FKBP15: variants seen among roughly 807,000 people sequenced by gnomAD.
FKBP15 encodes the protein FKBP prolyl isomerase family member 15, also known as FK506-binding protein 15.
FKBP15 carries 106 observed loss-of-function variants against 158.1 expected under a neutral mutation model. The observed-to-expected ratio is 0.67, with a 90% CI of 0.57 to 0.79. The LOEUF (loss-of-function observed/expected upper bound fraction) is 0.79, where lower values mean the gene tolerates loss of function less well. Ranked by LOEUF, FKBP15 falls within the 30% of genes least tolerant of loss-of-function variation. The pLI, the probability that FKBP15 is intolerant of heterozygous loss-of-function variation, is 0.00. For synonymous variants in FKBP15, 547 were observed against 548.6 expected, an observed-to-expected ratio of 1.00 and a Z score of 0.04; for missense variants, 1,287 against 1,479.1, an observed-to-expected ratio of 0.87 and a Z score of 2.13.
chr9:113,187,191 C>G (rs182766482), intron 14 of FKBP15: 1 of 153,634 alleles, frequency 6.5e-6, no homozygotes, highest in Admixed American at 6.5e-5. Context: ...CATAGCCTAT[C>G]CACCATCATT....
In FKBP15 at chr9:113,173,595, AC is replaced by A; in HGVS notation, c.2389del (p.Val797TyrfsTer50). ...DQAAAEQLSL[V>X]QAELQTQWEA... The stretch of plus-strand genomic sequence containing the variant: ...CCACTGGGTCTGTAGCTCAGCCTGT[AC>A]TAAAGACAGCTGCCAAGAGAAAGTA... On this transcript the variant is annotated frameshift_variant, in exon 23 of 28. Transcript: ENST00000238256. LOFTEE classifies it high-confidence loss of function. 1 of 1,613,754 alleles carries A rather than the reference AC, an allele frequency of 6.2e-7. No individual in the cohort carries two copies. The highest frequency in any genetic ancestry group is 8.5e-7 in the Non-Finnish European group (1 of 1,179,786).
intron 1 of FKBP15, among the ~76,000 whole-genome samples, chr9:113,217,728 C>T (rs1831168400): frequency 6.6e-6 from 1 of 152,048 alleles, no homozygotes; most frequent in Admixed American, 6.6e-5. Context: ...GTAATCCCAG[C>T]TACTTGGGAG....
intron 9 of FKBP15, among the ~76,000 whole-genome samples, chr9:113,196,228 A>G (rs1830679030): frequency 6.6e-6 from 1 of 152,208 alleles, no homozygotes; most frequent in Non-Finnish European, 1.5e-5. Flanking sequence ...AGGTAGTCGT[A>G]GTAAAACGTA....
chr9:113,166,439 T>C (rs187375601), intron 27 of FKBP15, among the ~76,000 whole-genome samples: 36 of 152,348 alleles, frequency 2.4e-4, no homozygotes, highest in African/African-American at 8.4e-4. Flanking sequence ...CAGATTTTCC[T>C]CTCATGCAGT....
intron 2 of FKBP15, among the ~76,000 whole-genome samples, chr9:113,208,085 T>C (rs1304738618): frequency 6.6e-6 from 1 of 152,232 alleles, no homozygotes; most frequent in Non-Finnish European, 1.5e-5. Context: ...GGCTCGTGCC[T>C]GTAATCCCAG....
At chr9:113,171,798 C>CTTT in intron 23 of FKBP15, 92 bp from the exon 24 acceptor site, 140 of 833,962 alleles carry the variant, frequency 1.7e-4, no homozygotes, top group East Asian at 8.1e-4. Flanking sequence ...CATCAAGTCT[C>CTTT]TTTTTTTTTT....
chr9:113,185,586 G>A (rs184491174), intron 15 of FKBP15, among the ~76,000 whole-genome samples: 1 of 152,148 alleles, frequency 6.6e-6, no homozygotes, highest in African/African-American at 2.4e-5. Context: ...AACAAGGCAG[G>A]ATTCCATCAT....
Position 113,184,636 on chromosome 9 carries a change from C to T in FKBP15, c.1608+59G>A. 1 of 1,355,608 alleles carries T rather than the reference C, an allele frequency of 7.4e-7. No homozygotes were observed. Among genetic ancestry groups the T allele is most frequent in the Non-Finnish European group, 1.0e-6 (1 of 965,428 alleles). 84.0% of individuals were successfully genotyped at this position (1,355,608 alleles called of 1,614,324 possible). On this transcript the variant is annotated intron_variant, in intron 16 of 27. Coordinates refer to ENST00000238256, the MANE Select transcript of FKBP15 (RefSeq NM_015258.2). The surrounding 1 kb of genome is among the most constrained non-coding windows in gnomAD (Gnocchi z 4.5). ...ATCAAAGAAGAGTTTACCTACAGTTCTGGCTGCTCCCTGTTTACATCCCCA... is the reference window on the plus strand; with the variant it reads ...ATCAAAGAAGAGTTTACCTACAGTTTTGGCTGCTCCCTGTTTACATCCCCA...
intron 27 of FKBP15, 131 bp from the exon 28 acceptor site, chr9:113,166,286 A>AG: frequency 1.4e-6 from 1 of 718,176 alleles, no homozygotes; most frequent in Non-Finnish European, 2.3e-6. Flanking sequence ...GACAGGGCCA[A>AG]CTCTGAGGCC....
chr9:113,215,552 A>G (rs1831103402), intron 1 of FKBP15, among the ~76,000 whole-genome samples: 1 of 150,274 alleles, frequency 6.7e-6, no homozygotes, highest in Non-Finnish European at 1.5e-5. Context: ...TTCAGAGGAT[A>G]TATGTGTGTG....
intron 8 of FKBP15, among the ~76,000 whole-genome samples, chr9:113,197,561 C>A (rs951681753): frequency 3.3e-5 from 5 of 151,976 alleles, no homozygotes; most frequent in Non-Finnish European, 5.9e-5. Context: ...CCCAGCTACT[C>A]GGGAGGCTGA....
At chr9:113,197,925 T>C (rs1396982063) in intron 8 of FKBP15, among the ~76,000 whole-genome samples, 2 of 152,186 alleles carry the variant, frequency 1.3e-5, no homozygotes, top group South Asian at 2.1e-4. Flanking sequence ...AAAGTCTCCA[T>C]AGGATTCTGG....
At chr9:113,218,827 C>G (rs1456900890) in intron 1 of FKBP15, among the ~76,000 whole-genome samples, 1 of 152,132 alleles carries the variant, frequency 6.6e-6, no homozygotes, top group East Asian at 1.9e-4. Flanking sequence ...AGGCTTTTTC[C>G]TATCTTTTAC....
chr9:113,213,163 T>C (rs987372519), intron 1 of FKBP15, among the ~76,000 whole-genome samples: 2 of 152,018 alleles, frequency 1.3e-5, no homozygotes, highest in African/African-American at 4.8e-5. Flanking sequence ...AATCCCAGCA[T>C]TTTGGGAGGC....
At chr9:113,220,394 T>C (rs767852995) in intron 1 of FKBP15, among the ~76,000 whole-genome samples, 2 of 152,198 alleles carry the variant, frequency 1.3e-5, no homozygotes, top group South Asian at 2.1e-4. Context: ...AACTGACTAC[T>C]AAAAGAGACA....
intron 12 of FKBP15, among the ~76,000 whole-genome samples, chr9:113,189,353 T>C (rs1564167653): frequency 6.6e-6 from 1 of 152,186 alleles, no homozygotes; most frequent in Non-Finnish European, 1.5e-5. Context: ...TTTACTTAAA[T>C]CATTTATGTT....
rs937101343 is a variant in FKBP15 at position 113,206,658 on chromosome 9, G to A, written c.255-80C>T. 18 of 760,744 alleles carry A rather than the reference G, an allele frequency of 2.4e-5. 1 individual carries two copies. The Admixed American group carries it at 4.0e-4, about 17-fold the overall frequency. 47.1% of individuals were successfully genotyped at this position (760,744 alleles called of 1,614,324 possible). A position where few individuals can be genotyped will look rare whatever the true frequency, so the allele number is the denominator to read the frequency against. ...CAGCTTTCTTTTCTGTCATACAGAA[G>A]TGGGAACAACAGTCATTCAGCCTCT... On this transcript the variant is annotated intron_variant, in intron 3 of 27. Transcript: ENST00000238256.
intron 4 of FKBP15, among the ~76,000 whole-genome samples, chr9:113,204,161 T>C (rs1241703602): frequency 3.3e-5 from 5 of 152,084 alleles, no homozygotes; most frequent in Non-Finnish European, 7.4e-5. Flanking sequence ...TACCGCAACC[T>C]CCACCTCCCA....
At chr9:113,211,454 C>T (rs901958714) in intron 2 of FKBP15, 23 bp downstream of exon 2, 18 of 1,565,154 alleles carry the variant, frequency 1.2e-5, no homozygotes, top group Admixed American at 3.6e-5. Context: ...CCACCTCGCT[C>T]GGCTAATACA....
Sources: allele counts gnomAD v4.1 joint callset (sites outside exome capture counted in the v4.1 genomes callset), GRCh38; gene constraint gnomAD v4.1.1; non-coding constraint Gnocchi (gnomAD v3.1); transcripts MANE v1.5; gene names NCBI Gene and HGNC (gene_info 2026-07-23, HGNC 2026-07-21).